The following MYOM1 variants were observed in gnomAD, a reference collection of about 807,000 sequenced individuals.
MYOM1 encodes myomesin 1.
Under a neutral mutation model 205.3 loss-of-function variants are expected in MYOM1, and 164 were observed. That is an observed-to-expected ratio of 0.80 (90% CI 0.70 to 0.91). The LOEUF is 0.91. MYOM1 is among the 40% of genes least tolerant of loss of function. MYOM1 has a pLI of 0.00. For missense variants in MYOM1, 2,011 were observed against 2,127.3 expected (o/e 0.95, Z 1.08); for synonymous variants, 772 against 789.4 (o/e 0.98, Z 0.37).
At chr18:3,168,425 A>T (rs1044019490) in intron 9 of MYOM1, among the ~76,000 whole-genome samples, 5 of 152,040 alleles carry the variant, frequency 3.3e-5, no homozygotes, top group Non-Finnish European at 7.4e-5. Flanking sequence ...AGTAGCTGGG[A>T]TTACAGGTGC....
At chr18:3,191,572 A>G (rs75449708) in intron 3 of MYOM1, among the ~76,000 whole-genome samples, 6,633 of 152,304 alleles carry the variant, frequency 0.044, 216 homozygotes, top group Non-Finnish European at 0.065. Flanking sequence ...TCAGATTGTT[A>G]ATACTGCCAA....
rs189346788 is a variant in MYOM1, at chr18:3,218,138, G to A, written c.-29+1665C>T. 1.3e-3 allele frequency among the ~76,000 whole-genome samples: 195 copies of A among 152,212 alleles called. 3 individuals are homozygous for A. In the South Asian group the frequency reaches 0.014, roughly 11 times the overall value. On this transcript the variant is annotated intron_variant, in intron 1 of 37. Transcript: ENST00000356443. ...AGCATAGGGTGGGGAGATGTCACAT[G>A]GCCTTAGCATTCTTGAATAGTTTAT...
intron 2 of MYOM1, among the ~76,000 whole-genome samples, chr18:3,197,595 T>C (rs140682757): frequency 0.024 from 3,590 of 151,922 alleles, 47 homozygotes; most frequent in Middle Eastern, 0.048. Flanking sequence ...GTGTTAAGGC[T>C]GGGCGCGGTG....
chr18:3,218,006 T>C (rs1232131660), intron 1 of MYOM1, among the ~76,000 whole-genome samples: 1 of 152,122 alleles, frequency 6.6e-6, no homozygotes, highest in Admixed American at 6.5e-5. Context: ...ACATGCAGGC[T>C]TCTAGTCTCC....
chr18:3,177,089 T>C (rs2080652153), intron 5 of MYOM1, among the ~76,000 whole-genome samples: 1 of 151,846 alleles, frequency 6.6e-6, no homozygotes, highest in Non-Finnish European at 1.5e-5. Flanking sequence ...CTACAAAAAC[T>C]ACAAAAAATT....
chr18:3,170,054 C>A (rs150543443), intron 8 of MYOM1, among the ~76,000 whole-genome samples: 2 of 152,094 alleles, frequency 1.3e-5, no homozygotes, highest in Non-Finnish European at 2.9e-5. Flanking sequence ...ACAGAAGAAC[C>A]GATATCATGT....
chr18:3,162,604 C>T (rs890383822), intron 10 of MYOM1, among the ~76,000 whole-genome samples: 3 of 152,214 alleles, frequency 2.0e-5, no homozygotes, highest in African/African-American at 4.8e-5. Context: ...TATGACTGCA[C>T]CTGACTAATC....
Position 3,100,164 on chromosome 18 carries a change from A to G in MYOM1, c.3722T>C (p.Phe1241Ser). ...AATGTATTGTGGATACTTACTTGGG[A>G]ACTTGTGTTCATGGCTGAGAGCAAG... ...RLLALSHEHK[F>S]PTVPVKSELA... Residue 1241 changes from phenylalanine (F) to serine (S), a missense_variant, in exon 25 of 38, where the codon TTC becomes TCC. Transcript: ENST00000356443. 1 of 1,613,886 alleles carries G rather than the reference A, an allele frequency of 6.2e-7. No homozygotes were observed. Among genetic ancestry groups the G allele is most frequent in the Non-Finnish European group, 8.5e-7 (1 of 1,179,866 alleles).
intron 5 of MYOM1, among the ~76,000 whole-genome samples, chr18:3,184,516 T>C (rs1009214410): frequency 2.0e-5 from 3 of 152,250 alleles, no homozygotes; most frequent in Admixed American, 2.0e-4. Flanking sequence ...AGGGCAACTC[T>C]TGCTCTCAGA....
At chr18:3,218,380 T>G (rs2081294849) in intron 1 of MYOM1, among the ~76,000 whole-genome samples, 1 of 152,226 alleles carries the variant, frequency 6.6e-6, no homozygotes, top group South Asian at 2.1e-4. Flanking sequence ...TTTAAACTAT[T>G]TTAAAAGTCA....
intron 2 of MYOM1, among the ~76,000 whole-genome samples, chr18:3,206,597 A>G (rs1452200329): frequency 6.6e-6 from 1 of 152,154 alleles, no homozygotes; most frequent in Non-Finnish European, 1.5e-5. Flanking sequence ...CTTTTGTGAA[A>G]ACGTTGTTTT....
At chr18:3,237,722 A>G in the MYOM1 span, among the ~76,000 whole-genome samples, 4 of 152,142 alleles carry the variant, frequency 2.6e-5, no homozygotes, top group Non-Finnish European at 5.9e-5. Context: ...TTATGATTCC[A>G]TAACTTACAT....
chr18:3,077,885 G>T (rs2079037711), intron 34 of MYOM1, among the ~76,000 whole-genome samples: 1 of 151,994 alleles, frequency 6.6e-6, no homozygotes, highest in Admixed American at 6.6e-5. Context: ...TTACTGAAAG[G>T]TCCTGCAGCG....
intron 8 of MYOM1, among the ~76,000 whole-genome samples, chr18:3,170,377 C>T (rs1347284876): frequency 6.6e-6 from 1 of 152,104 alleles, no homozygotes; most frequent in Admixed American, 6.5e-5. Flanking sequence ...CTAAATATCG[C>T]ATGTACCCCA....
intron 19 of MYOM1, among the ~76,000 whole-genome samples, chr18:3,122,700 T>C (rs2079714041): frequency 6.6e-6 from 1 of 152,172 alleles, no homozygotes; most frequent in Non-Finnish European, 1.5e-5. Flanking sequence ...AGTATCCAAG[T>C]TGAATTTATT....
intron 19 of MYOM1, among the ~76,000 whole-genome samples, chr18:3,124,524 T>C (rs902094709): frequency 3.6e-4 from 54 of 151,272 alleles, no homozygotes; most frequent in African/African-American, 1.3e-3. Flanking sequence ...AGAGACAGGG[T>C]TTCACCGTGT....
At chr18:3,127,305 ATTTTTTTT>A (rs1555620545) in intron 18 of MYOM1, among the ~76,000 whole-genome samples, 1 of 47,580 alleles carries the variant, frequency 2.1e-5, no homozygotes, top group African/African-American at 9.2e-5. Flanking sequence ...ATATATATAT[ATTTTTTTT>A]TTTTTTTTTT....
At chr18:3,154,668 A>G (rs2080268074) in intron 11 of MYOM1, among the ~76,000 whole-genome samples, 1 of 151,694 alleles carries the variant, frequency 6.6e-6, no homozygotes, top group African/African-American at 2.4e-5. Context: ...ATGGGTATAT[A>G]TACCCATTTT....
At chr18:3,094,548 G>A (rs1310560053) in intron 25 of MYOM1, among the ~76,000 whole-genome samples, 4 of 152,162 alleles carry the variant, frequency 2.6e-5, no homozygotes, top group Non-Finnish European at 4.4e-5. Flanking sequence ...TTGAATCATA[G>A]TTGTCTCAAC....
Sources: allele counts gnomAD v4.1 joint callset (sites outside exome capture counted in the v4.1 genomes callset), GRCh38; gene constraint gnomAD v4.1.1; transcripts MANE v1.5; gene names NCBI Gene and HGNC (gene_info 2026-07-23, HGNC 2026-07-21).